The following EEA1 variants were observed in gnomAD, a reference collection of about 807,000 sequenced individuals.
The protein encoded by EEA1 is early endosome antigen 1, also known as early endosome antigen 1, 162kD.
EEA1 carries 111 observed loss-of-function variants against 209.2 expected under a neutral mutation model. The observed-to-expected ratio is 0.53, with a 90% CI of 0.45 to 0.62. The LOEUF (loss-of-function observed/expected upper bound fraction) is 0.62. Ranked by LOEUF, EEA1 falls within the 20% of genes least tolerant of loss-of-function variation. The probability of loss-of-function intolerance (pLI) is 0.00; values close to 1 mark genes in which losing one functional copy is unlikely to be tolerated. For missense variants in EEA1, 1,343 were observed against 1,530.8 expected (o/e 0.88, Z 2.05); for synonymous variants, 536 against 540.6 (o/e 0.99, Z 0.12).
At chr12:92,826,653 C>T (rs1446290909) in intron 12 of EEA1, among the ~76,000 whole-genome samples, 1 of 147,824 alleles carries the variant, frequency 6.8e-6, no homozygotes, top group African/African-American at 2.5e-5. Flanking sequence ...AGGCAGAGGT[C>T]GCAGTGAGCC....
Position 92,811,442 on chromosome 12 carries a change from A to G in EEA1, c.2044-8T>C. ...AGTAATCTTATTTAACTCCTTTAGA[A>G]AAGTACAATTGAAGAAAACTTTGGT... is the stretch of plus-strand genomic sequence containing the variant. On this transcript the variant is annotated splice_region_variant and splice_polypyrimidine_tract_variant and intron_variant, in intron 16 of 28. Coordinates refer to ENST00000322349, the MANE Select transcript of EEA1 (RefSeq NM_003566.4). 6.5e-7 allele frequency: 1 copy of G among 1,533,296 alleles called. No homozygotes were observed. The highest frequency in any genetic ancestry group is 8.7e-7 in the Non-Finnish European group (1 of 1,146,256). The allele number at this position is 1,533,296 out of a possible 1,614,324, so 95.0% of individuals were successfully genotyped here.
chr12:92,776,763 G>A, intron 28 of EEA1, 81 bp downstream of exon 28: 1 of 1,249,244 alleles, frequency 8.0e-7, no homozygotes, highest in Non-Finnish European at 1.2e-6. Flanking sequence ...GTCAAATGAA[G>A]GACTATTTTG....
At chr12:92,882,201 G>A (rs757947389) in intron 2 of EEA1, among the ~76,000 whole-genome samples, 2 of 151,852 alleles carry the variant, frequency 1.3e-5, no homozygotes, top group Non-Finnish European at 2.9e-5. Flanking sequence ...TCTGCCTCCT[G>A]AGTTCAAGTG....
chr12:92,808,840 C>T (rs181284269), intron 18 of EEA1, among the ~76,000 whole-genome samples, 177 bp downstream of exon 18: 98 of 152,174 alleles, frequency 6.4e-4, no homozygotes, highest in Non-Finnish European at 2.2e-4. Flanking sequence ...GAAGTTTAAC[C>T]CTATTATGAT....
chr12:92,792,981 T>G (rs1042380990), intron 21 of EEA1, among the ~76,000 whole-genome samples: 1 of 152,130 alleles, frequency 6.6e-6, no homozygotes, highest in Non-Finnish European at 1.5e-5. Flanking sequence ...GTTCAACATA[T>G]GCAAATCAAT....
At chr12:92,847,316 A>G (rs1368911789) in intron 9 of EEA1, among the ~76,000 whole-genome samples, 1 of 152,180 alleles carries the variant, frequency 6.6e-6, no homozygotes, top group African/African-American at 2.4e-5. Context: ...TGATGCCAAT[A>G]TTTAGGTTTG....
At chr12:92,902,639 G>A (rs925490900) in intron 1 of EEA1, among the ~76,000 whole-genome samples, 1 of 151,340 alleles carries the variant, frequency 6.6e-6, no homozygotes, top group African/African-American at 2.4e-5. Context: ...TACTCAGGAC[G>A]CTGAGGCAGT....
chr12:92,886,262 G>A (rs1032207258), intron 2 of EEA1, among the ~76,000 whole-genome samples: 5 of 148,618 alleles, frequency 3.4e-5, no homozygotes, highest in African/African-American at 1.2e-4. Flanking sequence ...AGCTACTCAA[G>A]AGGCTGAGGT....
intron 21 of EEA1, among the ~76,000 whole-genome samples, chr12:92,797,289 T>C (rs908909438): frequency 2.0e-5 from 3 of 152,148 alleles, no homozygotes; most frequent in East Asian, 1.9e-4. Context: ...GATTTCACCA[T>C]GTTGGCCAGG....
chr12:92,885,560 G>T (rs1235241639), intron 2 of EEA1, among the ~76,000 whole-genome samples: 2 of 152,190 alleles, frequency 1.3e-5, no homozygotes, highest in Non-Finnish European at 2.9e-5. Context: ...CAGAATGTAT[G>T]CTATTGTATA....
chr12:92,884,210 T>C (rs1238199615), intron 2 of EEA1: 40 of 1,511,098 alleles, frequency 2.6e-5, no homozygotes, highest in Non-Finnish European at 3.4e-5. Flanking sequence ...GAAAAGGGGC[T>C]TTGCCTTTGT....
Position 92,777,648 on chromosome 12 carries a change from T to C in EEA1, c.3909A>G (p.Glu1303=), listed in dbSNP as rs1436371943. 2.5e-6 allele frequency: 4 copies of C among 1,611,602 alleles called. No homozygotes were observed. The highest frequency in any genetic ancestry group is 1.7e-4 in the Middle Eastern group (1 of 6,046). ...TGGTTTGAAGCTTTTCTATTTCACC[T>C]TCTCCTTTAAGACATCTGGAATAGA... ...RALLERCLKG[E]GEIEKLQTKV... is the part of the protein sequence containing the mutation. The change falls in exon 27 of 29, where the codon GAA becomes GAG. Residue 1303 remains glutamate (E), a synonymous_variant. Coordinates refer to ENST00000322349, the MANE Select transcript of EEA1 (RefSeq NM_003566.4).
chr12:92,832,486 C>A (rs756316110), intron 11 of EEA1, 26 bp downstream of exon 11: 9 of 1,570,844 alleles, frequency 5.7e-6, no homozygotes, highest in Non-Finnish European at 7.8e-6. Flanking sequence ...GGGAGAATTA[C>A]AATAAATAAA....
chr12:92,872,626 T>C (rs114224422), intron 2 of EEA1, among the ~76,000 whole-genome samples: 2 of 152,176 alleles, frequency 1.3e-5, no homozygotes, highest in Non-Finnish European at 1.5e-5. Context: ...TATACTGATG[T>C]ATGTATGGCT....
intron 9 of EEA1, among the ~76,000 whole-genome samples, chr12:92,844,766 A>G (rs1039786479): frequency 6.6e-6 from 1 of 152,124 alleles, no homozygotes; most frequent in Non-Finnish European, 1.5e-5. Context: ...TAAATATCTT[A>G]TCAAAAAAAT....
intron 1 of EEA1, among the ~76,000 whole-genome samples, chr12:92,916,522 A>T (rs12322007): frequency 1.1e-3 from 165 of 148,790 alleles, no homozygotes; most frequent in African/African-American, 4.0e-3. Context: ...GCGCAGTACC[A>T]CACACCTGTA....
rs1461714043 is a variant in EEA1, at chr12:92,867,970, A to T, written c.118-2983T>A. ...TCTAAGCAAATGGAGGAGCATAAAC[A>T]AAGGTGCAGGAAACACTATGAATAG... On this transcript the variant is annotated intron_variant, in intron 2 of 28. Transcript: ENST00000322349. Among the ~76,000 whole-genome samples the T allele has an allele frequency of 3.9e-5, 6 of 152,174 alleles. No homozygotes were observed. The East Asian group carries it at 7.7e-4, about 20-fold the overall frequency.
chr12:92,828,165 A>G, intron 11 of EEA1, 104 bp from the exon 12 acceptor site: 1 of 933,128 alleles, frequency 1.1e-6, no homozygotes, highest in East Asian at 3.2e-5. Context: ...TAAGTACAAT[A>G]TCTTAATTTT....
intron 13 of EEA1, among the ~76,000 whole-genome samples, chr12:92,822,791 G>A (rs1284351157): frequency 4.6e-5 from 7 of 151,932 alleles, no homozygotes; most frequent in Non-Finnish European, 7.4e-5. Flanking sequence ...TATATAGCAC[G>A]ATTCCCTCCT....
Sources: gnomAD v4.1 joint callset for allele counts (sites outside exome capture counted in the v4.1 genomes callset) on GRCh38, gnomAD v4.1.1 for gene constraint, MANE v1.5 for transcripts, NCBI Gene and HGNC (gene_info 2026-07-23, HGNC 2026-07-21) for gene names.